The following ANKS1B variants were observed in gnomAD, a reference collection of about 807,000 sequenced individuals.
ANKS1B encodes ankyrin repeat and sterile alpha motif domain containing 1B.
A neutral mutation model predicts 148.3 loss-of-function variants in ANKS1B; 36 were observed. That is an observed-to-expected ratio of 0.24 (90% CI 0.19 to 0.32). The LOEUF (loss-of-function observed/expected upper bound fraction) is 0.32. ANKS1B is among the 10% of genes least tolerant of loss of function. ANKS1B has a pLI of 1.00. For synonymous variants in ANKS1B, 542 were observed against 560.8 expected (o/e 0.97, Z 0.47); for missense variants, 1,157 against 1,542.6 (o/e 0.75, Z 4.19).
At chr12:99,516,109 T>C (rs1402261586) in intron 9 of ANKS1B, among the ~76,000 whole-genome samples, 1 of 152,124 alleles carries the variant, frequency 6.6e-6, no homozygotes, top group Non-Finnish European at 1.5e-5. Flanking sequence ...GTGGGTTGCT[T>C]CTTCACTGTG....
chr12:98,971,310 A>G (rs540689525), intron 17 of ANKS1B, among the ~76,000 whole-genome samples: 2 of 152,264 alleles, frequency 1.3e-5, no homozygotes, highest in Non-Finnish European at 2.9e-5. Flanking sequence ...TGCCTGATGT[A>G]AATATTTGTT....
intron 1 of ANKS1B, among the ~76,000 whole-genome samples, chr12:99,871,427 G>C (rs948051426): frequency 6.6e-6 from 1 of 152,080 alleles, no homozygotes; most frequent in Non-Finnish European, 1.5e-5. Flanking sequence ...TTTTAGAATA[G>C]TCTTTTCTAA....
chr12:99,894,101 A>T (rs2153750311), intron 1 of ANKS1B, among the ~76,000 whole-genome samples: 1 of 152,066 alleles, frequency 6.6e-6, no homozygotes, highest in Admixed American at 6.5e-5. Flanking sequence ...AAAATTTCCC[A>T]GAAAGTAAAG....
chr12:99,552,729 C>T (rs966124096), intron 9 of ANKS1B, among the ~76,000 whole-genome samples: 5 of 152,174 alleles, frequency 3.3e-5, no homozygotes, highest in African/African-American at 7.2e-5. Context: ...CCCAGTCCCA[C>T]GAATACCAAA....
intron 8 of ANKS1B, among the ~76,000 whole-genome samples, chr12:99,749,281 T>TG (rs1161033648): frequency 1.3e-5 from 2 of 152,196 alleles, no homozygotes; most frequent in Middle Eastern, 3.4e-3. Context: ...TGCTTGAATT[T>TG]GGGGAAAGAA....
intron 9 of ANKS1B, among the ~76,000 whole-genome samples, chr12:99,608,474 AAAACCACTTAC>A (rs1008075791): frequency 2.6e-5 from 4 of 152,122 alleles, no homozygotes; most frequent in African/African-American, 9.7e-5. Flanking sequence ...CCCTATAGCA[AAAACCACTTAC>A]AAACCACTTA....
At chr12:99,941,718 A>G (rs1324026065) in intron 1 of ANKS1B, among the ~76,000 whole-genome samples, 1 of 152,186 alleles carries the variant, frequency 6.6e-6, no homozygotes, top group East Asian at 1.9e-4. Context: ...TAGAGGAAGG[A>G]GCATTTAAGT....
chr12:99,012,762 A>T (rs1220774908), intron 17 of ANKS1B, among the ~76,000 whole-genome samples: 4 of 152,132 alleles, frequency 2.6e-5, no homozygotes, highest in Non-Finnish European at 4.4e-5. Context: ...GATATTCATC[A>T]ATTTGTTTAA....
At chr12:99,064,918 G>C (rs768379554) in intron 16 of ANKS1B, among the ~76,000 whole-genome samples, 1 of 152,116 alleles carries the variant, frequency 6.6e-6, no homozygotes, top group African/African-American at 2.4e-5. Context: ...TAAAATTCTT[G>C]TTGAGGTAAT....
intron 15 of ANKS1B, among the ~76,000 whole-genome samples, chr12:99,130,992 C>CTA (rs765791419): frequency 6.6e-6 from 1 of 152,184 alleles, no homozygotes; most frequent in Non-Finnish European, 1.5e-5. Flanking sequence ...AACAAGACTT[C>CTA]TATGACACGC....
At chr12:99,116,131 A>G (rs752596904) in intron 15 of ANKS1B, among the ~76,000 whole-genome samples, 2 of 152,136 alleles carry the variant, frequency 1.3e-5, no homozygotes, top group Non-Finnish European at 2.9e-5. Flanking sequence ...TTATGTGCGT[A>G]AAGTGCTAGG....
intron 16 of ANKS1B, among the ~76,000 whole-genome samples, chr12:99,084,163 G>A (rs945973772): frequency 3.9e-5 from 6 of 152,126 alleles, no homozygotes; most frequent in Admixed American, 6.5e-5. Flanking sequence ...GTAATGACTC[G>A]TGTAATTAGG....
chr12:99,076,567 A>T (rs1044238939), intron 16 of ANKS1B, among the ~76,000 whole-genome samples: 13 of 152,160 alleles, frequency 8.5e-5, no homozygotes, highest in African/African-American at 2.7e-4. Flanking sequence ...AAGATGGTCA[A>T]AGGGGCTGAC....
intron 8 of ANKS1B, among the ~76,000 whole-genome samples, chr12:99,763,227 C>T (rs533386964): frequency 3.4e-4 from 51 of 152,210 alleles, no homozygotes; most frequent in African/African-American, 1.2e-3. Flanking sequence ...ACAGCAAAGA[C>T]ATGGAATCAA....
intron 2 of ANKS1B, among the ~76,000 whole-genome samples, chr12:99,822,121 T>A (rs1329562031): frequency 6.6e-6 from 1 of 152,066 alleles, no homozygotes; most frequent in African/African-American, 2.4e-5. Context: ...TTATACATTT[T>A]AAGAGAAAAA....
intron 11 of ANKS1B, among the ~76,000 whole-genome samples, chr12:99,435,389 T>TA (rs2095443462): frequency 6.6e-6 from 1 of 152,098 alleles, no homozygotes; most frequent in South Asian, 2.1e-4. Context: ...TCCAATGATT[T>TA]AGGGAACTTT....
At chr12:99,388,889 T>G (rs1593722083) in intron 12 of ANKS1B, among the ~76,000 whole-genome samples, 1 of 152,208 alleles carries the variant, frequency 6.6e-6, no homozygotes, top group Non-Finnish European at 1.5e-5. Context: ...TATCAGTTCA[T>G]CTCTCTTTTG....
At chr12:98,891,367 T>G (rs906512537) in intron 17 of ANKS1B, among the ~76,000 whole-genome samples, 1 of 152,106 alleles carries the variant, frequency 6.6e-6, no homozygotes, top group Non-Finnish European at 1.5e-5. Flanking sequence ...TCTCACAATT[T>G]TTTAAAGAAA....
intron 14 of ANKS1B, among the ~76,000 whole-genome samples, chr12:99,196,427 C>T (rs1375240870): frequency 6.6e-6 from 1 of 152,070 alleles, no homozygotes; most frequent in African/African-American, 2.4e-5. Flanking sequence ...AACCATGCAT[C>T]AGCTGTCACC....
Sources: gnomAD v4.1 joint callset for allele counts (sites outside exome capture counted in the v4.1 genomes callset) on GRCh38, gnomAD v4.1.1 for gene constraint, MANE v1.5 for transcripts, NCBI Gene and HGNC (gene_info 2026-07-23, HGNC 2026-07-21) for gene names.